Variants in FCER1A observed in about 807,000 individuals in gnomAD.
The protein encoded by FCER1A is high affinity immunoglobulin epsilon receptor subunit alpha.
In FCER1A, 24 loss-of-function variants were observed where a neutral mutation model predicts 23.6. The ratio of observed to expected loss-of-function variants is 1.02; its 90% CI spans 0.74 to 1.43. FCER1A has a LOEUF of 1.43. Among genes scored for constraint, FCER1A ranks in the 40% most tolerant of loss-of-function variants. The probability of loss-of-function intolerance (pLI) is 0.00; values close to 1 mark genes in which losing one functional copy is unlikely to be tolerated. For missense variants in FCER1A, 318 were observed against 294.5 expected (o/e 1.08, Z -0.58); for synonymous variants, 121 against 108.8 (o/e 1.11, Z -0.70).
At chr1:159,305,084 A>T (rs1652558193) in intron 3 of FCER1A, among the ~76,000 whole-genome samples, 1 of 152,190 alleles carries the variant, frequency 6.6e-6, no homozygotes, top group Non-Finnish European at 1.5e-5. Flanking sequence ...AATAGTGACC[A>T]ATAGGTCTCT....
chr1:159,302,530 T>C (rs542276648), intron 1 of FCER1A, 111 bp downstream of exon 1: 5 of 829,910 alleles, frequency 6.0e-6, no homozygotes, highest in Admixed American at 5.2e-5. Context: ...ATGTGCAAAC[T>C]ATTGGGCATT....
chr1:159,291,001 T>C (rs1026733339), intron 1 of FCER1A, among the ~76,000 whole-genome samples: 6 of 152,210 alleles, frequency 3.9e-5, no homozygotes, highest in Admixed American at 3.3e-4. Context: ...AATTAGTCTA[T>C]ATGCTATAGG....
chr1:159,286,393 C>T (rs952006283), upstream of FCER1A, among the ~76,000 whole-genome samples: 26 of 151,492 alleles, frequency 1.7e-4, no homozygotes, highest in Admixed American at 8.5e-4. Flanking sequence ...AGTGCAGTGG[C>T]GCAGTCTCGG....
chr1:159,296,788 T>C (rs1475288474), intron 1 of FCER1A, among the ~76,000 whole-genome samples: 1 of 152,162 alleles, frequency 6.6e-6, no homozygotes, highest in Non-Finnish European at 1.5e-5. Flanking sequence ...TACACATACA[T>C]ACATTCTCAT....
chr1:159,294,226 C>T lies in FCER1A; in HGVS notation c.-60+4473C>T, dbSNP rs374726155. On this transcript the variant is annotated intron_variant, in intron 1 of 5. Transcript: ENST00000368115. Reference sequence around the variant, plus strand: ...CAGCCATCCCATTACTGGGTATATACGCAAAGGACTATAAATCATGCTGCT... The same window carrying T: ...CAGCCATCCCATTACTGGGTATATATGCAAAGGACTATAAATCATGCTGCT... 1.2e-3 allele frequency among the ~76,000 whole-genome samples: 189 copies of T among 152,224 alleles called. 3 individuals are homozygous for T. The East Asian group carries it at 0.024, about 19-fold the overall frequency.
intron 4 of FCER1A, among the ~76,000 whole-genome samples, chr1:159,306,802 C>G (rs1308122933): frequency 1.3e-5 from 2 of 152,112 alleles, no homozygotes; most frequent in African/African-American, 4.8e-5. Context: ...AAAAACTGCT[C>G]TCTCCAAACT....
At chr1:159,285,363 C>T (rs947983998), upstream of FCER1A, among the ~76,000 whole-genome samples, 1 of 152,158 alleles carries the variant, frequency 6.6e-6, no homozygotes, top group Non-Finnish European at 1.5e-5. Flanking sequence ...GGCATTTACT[C>T]ATAGTATCAT....
intron 3 of FCER1A, 131 bp downstream of exon 3, chr1:159,304,313 C>CAGCCAA: frequency 1.2e-6 from 1 of 854,448 alleles, no homozygotes; most frequent in Non-Finnish European, 1.8e-6. Context: ...TTTAAGACCC[C>CAGCCAA]TGCATTGGCT....
At chr1:159,299,285 T>G (rs1652370914), upstream of FCER1A, among the ~76,000 whole-genome samples, 1 of 152,218 alleles carries the variant, frequency 6.6e-6, no homozygotes, top group Non-Finnish European at 1.5e-5. Context: ...TCACCTTGTT[T>G]TAGAGAACTT....
At chr1:159,298,844 A>G (rs1247929422), upstream of FCER1A, among the ~76,000 whole-genome samples, 1 of 152,192 alleles carries the variant, frequency 6.6e-6, no homozygotes, top group Non-Finnish European at 1.5e-5. Context: ...TAGATCAGTG[A>G]TTTCCTATTT....
chr1:159,307,412 T>C (rs1652647796), intron 4 of FCER1A, among the ~76,000 whole-genome samples: 1 of 152,206 alleles, frequency 6.6e-6, no homozygotes, highest in African/African-American at 2.4e-5. Context: ...TGTCCTCACT[T>C]TGTCCCCTTT....
intron 4 of FCER1A, among the ~76,000 whole-genome samples, chr1:159,306,769 G>T (rs565845868): frequency 6.6e-6 from 1 of 152,038 alleles, no homozygotes; most frequent in Non-Finnish European, 1.5e-5. Flanking sequence ...GTAGGGAGGT[G>T]GACTGCCTCT....
At chr1:159,303,779 A>C (rs1652512480) in intron 2 of FCER1A, 149 bp from the exon 3 acceptor site, 1 of 638,392 alleles carries the variant, frequency 1.6e-6, no homozygotes, top group African/African-American at 1.8e-5. Context: ...TTCCCCTAGA[A>C]ATCAAAACAG....
upstream of FCER1A, among the ~76,000 whole-genome samples, chr1:159,288,356 G>A (rs562087927): frequency 4.6e-5 from 7 of 151,930 alleles, no homozygotes; most frequent in Admixed American, 2.0e-4. Flanking sequence ...CAAATTCATC[G>A]GACTATTCTT....
At chr1:159,296,729 T>G (rs1305219207) in intron 1 of FCER1A, among the ~76,000 whole-genome samples, 1 of 152,242 alleles carries the variant, frequency 6.6e-6, no homozygotes, top group African/African-American at 2.4e-5. Context: ...TGCCTGCTAA[T>G]GCTACAAATG....
chr1:159,288,209 A>T (rs983245204), upstream of FCER1A, among the ~76,000 whole-genome samples: 1 of 152,198 alleles, frequency 6.6e-6, no homozygotes, highest in Admixed American at 6.5e-5. Flanking sequence ...ACATTCACAT[A>T]CTAAGTTATT....
chr1:159,284,498 C>T, the FCER1A span, among the ~76,000 whole-genome samples: 1 of 152,214 alleles, frequency 6.6e-6, no homozygotes, highest in Non-Finnish European at 1.5e-5. Context: ...CCCACAAGGG[C>T]CTTCAACCCA....
intron 3 of FCER1A, among the ~76,000 whole-genome samples, chr1:159,305,165 A>G (rs886593022): frequency 1.3e-5 from 2 of 152,268 alleles, no homozygotes; most frequent in Non-Finnish European, 2.9e-5. Context: ...CCAAACACAA[A>G]CTAAAGCAAT....
chr1:159,306,374 T>C, intron 4 of FCER1A, 129 bp downstream of exon 4: 1 of 760,762 alleles, frequency 1.3e-6, no homozygotes, highest in Non-Finnish European at 2.1e-6. Flanking sequence ...AGACTTGCAA[T>C]GAGGAGACCT....
Sources: gnomAD v4.1 joint callset for allele counts (sites outside exome capture counted in the v4.1 genomes callset) on GRCh38, gnomAD v4.1.1 for gene constraint, MANE v1.5 for transcripts, NCBI Gene and HGNC (gene_info 2026-07-23, HGNC 2026-07-21) for gene names.